Variants in PPARGC1B observed in about 807,000 individuals in gnomAD.
PPARGC1B encodes the protein peroxisome proliferator-activated receptor gamma coactivator 1-beta.
PPARGC1B carries 34 observed loss-of-function variants against 101.6 expected under a neutral mutation model. That is an observed-to-expected ratio of 0.33 (90% CI 0.25 to 0.45). The LOEUF (loss-of-function observed/expected upper bound fraction) is 0.45. Among genes scored for constraint, PPARGC1B ranks in the 20% least tolerant of loss-of-function variants. PPARGC1B has a pLI of 1.00. For missense variants in PPARGC1B, 1,234 were observed against 1,317.6 expected (o/e 0.94, Z 0.98); for synonymous variants, 548 against 539.3 (o/e 1.02, Z -0.22).
At chr5:149,810,974 C>A (rs1001797257) in intron 1 of PPARGC1B, among the ~76,000 whole-genome samples, 2 of 152,096 alleles carry the variant, frequency 1.3e-5, no homozygotes, top group Non-Finnish European at 2.9e-5. Flanking sequence ...GCAGTAGTCA[C>A]CTTCTTATCT....
At chr5:149,768,201 C>T (rs1015033725) in intron 1 of PPARGC1B, among the ~76,000 whole-genome samples, 7 of 152,138 alleles carry the variant, frequency 4.6e-5, no homozygotes, top group South Asian at 2.1e-4. Context: ...TAATCCAGAA[C>T]GTATGGAGAT....
chr5:149,781,961 A>T (rs1756618037), intron 1 of PPARGC1B, among the ~76,000 whole-genome samples: 1 of 152,194 alleles, frequency 6.6e-6, no homozygotes, highest in South Asian at 2.1e-4. Flanking sequence ...AGTACCAAGC[A>T]AGTGACTCAG....
At chr5:149,797,876 G>A (rs1168123221) in intron 1 of PPARGC1B, among the ~76,000 whole-genome samples, 1 of 152,140 alleles carries the variant, frequency 6.6e-6, no homozygotes, top group Non-Finnish European at 1.5e-5. Flanking sequence ...AGCCGAGATT[G>A]CACCATTGCA....
At chr5:149,746,692 G>C (rs1755105901) in intron 1 of PPARGC1B, among the ~76,000 whole-genome samples, 1 of 152,250 alleles carries the variant, frequency 6.6e-6, no homozygotes, top group East Asian at 1.9e-4. Flanking sequence ...TTCCATGGTG[G>C]CTGTACCATT....
At chr5:149,756,817 A>T (rs1479498453) in intron 1 of PPARGC1B, among the ~76,000 whole-genome samples, 2 of 152,058 alleles carry the variant, frequency 1.3e-5, no homozygotes, top group African/African-American at 4.8e-5. Flanking sequence ...AGGTGATCTG[A>T]GGTTCCTTGA....
Position 149,833,756 on chromosome 5 carries a change from C to T in PPARGC1B, c.1683C>T (p.Ser561=). The stretch of plus-strand genomic sequence containing the variant: ...GTGGGGACATGGATGAGGACCCCAG[C>T]TGCCCGCAGCTCCCTCCCAGAGGTA... ...SGCGDMDEDP[S]CPQLPPRDSP... Residue 561 remains serine (S), a synonymous_variant, in exon 5 of 12, where the codon AGC becomes AGT. Transcript: ENST00000309241. The surrounding 1 kb of genome is among the most constrained non-coding windows in gnomAD (Gnocchi z 4.1). 1 of 1,541,720 alleles carries T rather than the reference C, an allele frequency of 6.5e-7. No homozygotes were observed. Among genetic ancestry groups the T allele is most frequent in the Non-Finnish European group, 8.7e-7 (1 of 1,149,226 alleles).
rs369350284 is a variant in PPARGC1B at position 149,799,690 on chromosome 5, G to GTTTTTTTTTTT, written c.79-20741_79-20740insTTTTTTTTTTT. Among the ~76,000 whole-genome samples the GTTTTTTTTTTT allele has an allele frequency of 7.5e-4, 49 of 65,062 alleles. 3 individuals are homozygous for GTTTTTTTTTTT. The highest frequency in any genetic ancestry group is 1.1e-3 in the African/African-American group (20 of 18,722). The allele number at this position is 65,062 out of a possible 152,430, so 42.7% of individuals were successfully genotyped here. A position where few individuals can be genotyped will look rare whatever the true frequency, so the allele number is the denominator to read the frequency against. On this transcript the variant is annotated intron_variant, in intron 1 of 11. Coordinates refer to ENST00000309241, the MANE Select transcript of PPARGC1B (RefSeq NM_133263.4). The stretch of plus-strand genomic sequence containing the variant: ...TTTTTTGTTTGTTTGTTTGCTTGTT[G>GTTTTTTTTTTT]TTGTTTTTTTTTTTTTTTTTTTTTG...
At position 149,832,877 on chromosome 5, in the gene PPARGC1B, A is replaced by G. The variant is rs1275806024; in HGVS notation, c.804A>G (p.Leu268=). The change falls in exon 5 of 12, where the codon CTA becomes CTG. Residue 268 remains leucine (L), a synonymous_variant. Transcript: ENST00000309241. The surrounding 1 kb of genome is among the most constrained non-coding windows in gnomAD (Gnocchi z 4.9). ...QPAPASPRDS[L]ALGRADPGAP... Reference sequence around the variant, plus strand: ...CTCCAGCCTCTCCCCGGGACTCCCTAGCTCTGGGCAGGGCAGACCCCGGTG... The same window carrying G: ...CTCCAGCCTCTCCCCGGGACTCCCTGGCTCTGGGCAGGGCAGACCCCGGTG... 3 of 1,612,558 alleles carry G rather than the reference A, an allele frequency of 1.9e-6. No homozygotes were observed. The highest frequency in any genetic ancestry group is 1.3e-5 in the African/African-American group (1 of 74,922).
intron 1 of PPARGC1B, among the ~76,000 whole-genome samples, chr5:149,755,228 T>A (rs930649442): frequency 6.6e-6 from 1 of 151,592 alleles, no homozygotes; most frequent in Non-Finnish European, 1.5e-5. Context: ...CTGATTTTTT[T>A]AAAAAAGTTT....
At chr5:149,808,251 G>A (rs977747094) in intron 1 of PPARGC1B, among the ~76,000 whole-genome samples, 2 of 152,128 alleles carry the variant, frequency 1.3e-5, no homozygotes, top group African/African-American at 4.8e-5. Flanking sequence ...TGATGTGTAA[G>A]GCACCCTAAT....
At chr5:149,771,903 C>G (rs767770746) in intron 1 of PPARGC1B, 101 of 838,232 alleles carry the variant, frequency 1.2e-4, no homozygotes, top group Non-Finnish European at 1.5e-4. Flanking sequence ...TAAGTGATGT[C>G]ACTGAACGTT....
At chr5:149,856,452 G>T (rs1440901560), downstream of PPARGC1B, among the ~76,000 whole-genome samples, 2 of 152,120 alleles carry the variant, frequency 1.3e-5, no homozygotes, top group Non-Finnish European at 2.9e-5. Flanking sequence ...TCCGTTCACT[G>T]CAGGGCACTG....
At chr5:149,799,073 C>A (rs1411219366) in intron 1 of PPARGC1B, among the ~76,000 whole-genome samples, 14 of 151,268 alleles carry the variant, frequency 9.3e-5, no homozygotes, top group Admixed American at 9.2e-4. Context: ...ACAGTGGAGA[C>A]CTCACTAGAT....
Position 149,836,689 on chromosome 5 carries a change from C to T in PPARGC1B, c.2234C>T (p.Ala745Val), listed in dbSNP as rs1203969773. 6.2e-7 allele frequency: 1 copy of T among 1,613,606 alleles called. No homozygotes were observed. The highest frequency in any genetic ancestry group is 2.2e-5 in the East Asian group (1 of 44,884). ...PGREEDRSCD[A>V]GAPPKDSTLL... ...AGGGAGGAAGACAGAAGCTGTGATG[C>T]TGGCGCCCCACCCAAGGACAGCACG... Residue 745 changes from alanine (A) to valine (V), a missense_variant, in exon 8 of 12, where the codon GCT (alanine) becomes GTT (valine). Ala to Val is a moderately conservative substitution (Grantham distance 64, BLOSUM62 0). Around this residue, in one of 3 missense-constraint regions of PPARGC1B, gnomAD observed 497 missense variants for 529.5 expected, o/e 0.94. Transcript: ENST00000309241.
chr5:149,778,916 T>C (rs1277620927), intron 1 of PPARGC1B, among the ~76,000 whole-genome samples: 1 of 152,146 alleles, frequency 6.6e-6, no homozygotes, highest in African/African-American at 2.4e-5. Flanking sequence ...TTTAGAAATA[T>C]CTCACAGGGG....
At chr5:149,752,851 A>C (rs1171337020) in intron 1 of PPARGC1B, among the ~76,000 whole-genome samples, 2 of 152,206 alleles carry the variant, frequency 1.3e-5, no homozygotes, top group Non-Finnish European at 2.9e-5. Flanking sequence ...TCAGGAGTCA[A>C]GATGAAAACA....
intron 8 of PPARGC1B, among the ~76,000 whole-genome samples, chr5:149,838,385 G>C (rs1039485015): frequency 6.6e-6 from 1 of 152,144 alleles, no homozygotes; most frequent in Admixed American, 6.5e-5. Context: ...GCTAGGATTC[G>C]TCAGTCACAG....
At chr5:149,765,856 G>A (rs190956549) in intron 1 of PPARGC1B, among the ~76,000 whole-genome samples, 1,303 of 76,806 alleles carry the variant, frequency 0.017, 14 homozygotes, top group Middle Eastern at 0.026. Context: ...GTGAGACTCC[G>A]TCTCAAAAAA....
chr5:149,743,982 G>A (rs1035425120), intron 1 of PPARGC1B, among the ~76,000 whole-genome samples: 1 of 152,120 alleles, frequency 6.6e-6, no homozygotes, highest in African/African-American at 2.4e-5. Context: ...TCTTCCCGGG[G>A]GATTGAAACC....
Sources: allele counts gnomAD v4.1 joint callset (sites outside exome capture counted in the v4.1 genomes callset), GRCh38; gene constraint gnomAD v4.1.1; regional missense constraint gnomAD v4.1.1; non-coding constraint Gnocchi (gnomAD v3.1); transcripts MANE v1.5; gene names NCBI Gene and HGNC (gene_info 2026-07-23, HGNC 2026-07-21).